GPC5: variants seen among roughly 807,000 people sequenced by gnomAD.
GPC5 encodes the protein glypican-5.
GPC5 carries 47 observed loss-of-function variants against 53.9 expected under a neutral mutation model. That is an observed-to-expected ratio of 0.87 (90% CI 0.69 to 1.11). The LOEUF (loss-of-function observed/expected upper bound fraction) is 1.11. Ranked by LOEUF, GPC5 falls within the 50% of genes most tolerant of loss-of-function variation. GPC5 has a pLI of 0.00. For missense variants in GPC5, 748 were observed against 713.1 expected (o/e 1.05, Z -0.56); for synonymous variants, 286 against 263.3 (o/e 1.09, Z -0.84).
chr13:92,070,337 CACACTTTACAAGCT>C (rs2041200936), intron 6 of GPC5, among the ~76,000 whole-genome samples: 1 of 152,134 alleles, frequency 6.6e-6, no homozygotes, highest in Non-Finnish European at 1.5e-5. Flanking sequence ...CTGAATACAA[CACACTTTACAAGCT>C]ACATAAACTT....
chr13:92,685,546 T>TTTTTTTTTTTTTTA (rs1555302903), intron 7 of GPC5, among the ~76,000 whole-genome samples: 1 of 93,684 alleles, frequency 1.1e-5, no homozygotes, highest in Non-Finnish European at 2.1e-5. Context: ...TTATGCTCAT[T>TTTTTTTTTTTTTTA]TTTTTTTTTT....
chr13:91,820,788 G>A (rs1157542326), intron 5 of GPC5, among the ~76,000 whole-genome samples: 2 of 151,952 alleles, frequency 1.3e-5, no homozygotes, highest in African/African-American at 4.8e-5. Flanking sequence ...ACAGTGAAAT[G>A]CCATCTCTAC....
At chr13:92,128,794 C>A (rs1402165959) in intron 6 of GPC5, among the ~76,000 whole-genome samples, 1 of 152,084 alleles carries the variant, frequency 6.6e-6, no homozygotes, top group East Asian at 1.9e-4. Flanking sequence ...GAAACCCCAT[C>A]TCTACTAAAA....
chr13:91,916,347 A>G (rs2039658939), intron 6 of GPC5, among the ~76,000 whole-genome samples: 1 of 152,218 alleles, frequency 6.6e-6, no homozygotes, highest in African/African-American at 2.4e-5. Flanking sequence ...ATGATTGTTC[A>G]TAGCAATGTT....
chr13:92,560,266 T>A (rs936361900), intron 7 of GPC5, among the ~76,000 whole-genome samples: 1 of 152,014 alleles, frequency 6.6e-6, no homozygotes, highest in African/African-American at 2.4e-5. Flanking sequence ...TGCAAATAAC[T>A]GTGATATGAG....
chr13:92,555,602 A>G (rs1319509918), intron 7 of GPC5, among the ~76,000 whole-genome samples: 1 of 150,380 alleles, frequency 6.6e-6, no homozygotes, highest in East Asian at 1.9e-4. Flanking sequence ...ACAATTATAT[A>G]AATATATAAT....
intron 2 of GPC5, among the ~76,000 whole-genome samples, chr13:91,599,788 A>G (rs2033116540): frequency 6.6e-6 from 1 of 152,216 alleles, no homozygotes; most frequent in Non-Finnish European, 1.5e-5. Flanking sequence ...CTATATTTAA[A>G]TACACTGAGG....
chr13:92,123,114 T>A (rs532296413), intron 6 of GPC5, among the ~76,000 whole-genome samples: 1 of 152,240 alleles, frequency 6.6e-6, no homozygotes, highest in East Asian at 1.9e-4. Context: ...ATAGAAGTTA[T>A]TGACACTGGC....
chr13:92,482,855 A>G (rs1879410694), intron 7 of GPC5, among the ~76,000 whole-genome samples: 1 of 152,166 alleles, frequency 6.6e-6, no homozygotes, highest in Admixed American at 6.5e-5. Flanking sequence ...GGGATACTGT[A>G]TTAGTCTGTT....
chr13:92,382,275 G>C (rs1325154887), intron 7 of GPC5, among the ~76,000 whole-genome samples: 1 of 151,960 alleles, frequency 6.6e-6, no homozygotes, highest in Non-Finnish European at 1.5e-5. Context: ...TGTATATACT[G>C]CTCCGGTGAT....
intron 1 of GPC5, among the ~76,000 whole-genome samples, chr13:91,399,898 A>G (rs1055536535): frequency 1.3e-5 from 2 of 152,180 alleles, no homozygotes; most frequent in African/African-American, 2.4e-5. Flanking sequence ...GTCACTTGAC[A>G]TGGATGAGAT....
rs761342792 is a variant in GPC5 at position 91,448,815 on chromosome 13, T to C, written c.218T>C (p.Met73Thr). ...SKKPTCCTRK[M>T]EERYQIAARQ... ...AAGCCTACATGTTGCACCAGGAAGA[T>C]GGAGGAGAGATATCAGATTGCGGCT... The change falls in exon 2 of 8, where the codon ATG becomes ACG. Residue 73 changes from methionine to threonine, a missense_variant. Transcript: ENST00000377067. 1.9e-6 allele frequency: 3 copies of C among 1,613,642 alleles called. No homozygotes were observed. The highest frequency in any genetic ancestry group is 2.7e-5 in the African/African-American group (2 of 74,894).
rs552956989 is a variant in GPC5 at position 92,011,928 on chromosome 13, T to G, written c.1401+103871T>G. Among the ~76,000 whole-genome samples, 4 of 152,308 alleles carry G rather than the reference T, an allele frequency of 2.6e-5. No homozygotes were observed. The South Asian group carries it at 8.3e-4, about 32-fold the overall frequency. On this transcript the variant is annotated intron_variant, in intron 6 of 7. Transcript: ENST00000377067. ...TGATAATGATTTTTAAAAGTCAGAC[T>G]TACAGAAAAGAGTTTATTTCCAAAA...
At chr13:92,003,325 C>CAAA (rs57075719) in intron 6 of GPC5, among the ~76,000 whole-genome samples, 54 of 100,172 alleles carry the variant, frequency 5.4e-4, no homozygotes, top group Non-Finnish European at 9.2e-4. Flanking sequence ...TGTCTTAACA[C>CAAA]AAAAAAAAAA....
chr13:92,323,623 G>A (rs1334077031), intron 7 of GPC5, among the ~76,000 whole-genome samples: 1 of 151,506 alleles, frequency 6.6e-6, no homozygotes, highest in Admixed American at 6.6e-5. Context: ...TCTGTCTAAT[G>A]GTAAAACATA....
intron 7 of GPC5, among the ~76,000 whole-genome samples, chr13:92,723,559 A>G (rs1322701919): frequency 1.3e-5 from 2 of 151,664 alleles, no homozygotes; most frequent in Non-Finnish European, 3.0e-5. Context: ...CCTCCCCTTA[A>G]TAAGTTCTAT....
In GPC5 at chr13:92,381,962, G is replaced by C. The variant is rs9589530; in HGVS notation, c.1561+236973G>C. Reference sequence around the variant, plus strand: ...TATGAAATAATATCTATGTATGTATGTATCTATCTATCTATCTATCTATCT... The same window carrying C: ...TATGAAATAATATCTATGTATGTATCTATCTATCTATCTATCTATCTATCT... On this transcript the variant is annotated intron_variant, in intron 7 of 7. Coordinates refer to ENST00000377067, the MANE Select transcript of GPC5 (RefSeq NM_004466.6). Among the ~76,000 whole-genome samples the C allele has an allele frequency of 1.3e-4, 16 of 126,298 alleles. No individual in the cohort carries two copies. The South Asian group carries it at 3.2e-3, about 25-fold the overall frequency. The allele number at this position is 126,298 out of a possible 152,430, so 82.9% of individuals were successfully genotyped here.
At chr13:92,019,823 C>CAAA (rs2040740794) in intron 6 of GPC5, among the ~76,000 whole-genome samples, 1 of 152,040 alleles carries the variant, frequency 6.6e-6, no homozygotes, top group Admixed American at 6.6e-5. Context: ...CACTTTATTT[C>CAAA]ATGTATAGTG....
At chr13:91,872,948 T>C (rs2039163381) in intron 5 of GPC5, among the ~76,000 whole-genome samples, 1 of 152,150 alleles carries the variant, frequency 6.6e-6, no homozygotes, top group Non-Finnish European at 1.5e-5. Flanking sequence ...GAAAATAAAA[T>C]GGCAAGTCAT....
Sources: gnomAD v4.1 joint callset for allele counts (sites outside exome capture counted in the v4.1 genomes callset) on GRCh38, gnomAD v4.1.1 for gene constraint, MANE v1.5 for transcripts, NCBI Gene and HGNC (gene_info 2026-07-23, HGNC 2026-07-21) for gene names.